The following TNR variants were observed in gnomAD, a reference collection of about 807,000 sequenced individuals.
TNR encodes tenascin-R.
TNR carries 45 observed loss-of-function variants against 150.4 expected under a neutral mutation model. The ratio of observed to expected loss-of-function variants is 0.30; its 90% CI spans 0.24 to 0.38. The LOEUF is 0.38. Ranked by LOEUF, TNR falls within the 10% of genes least tolerant of loss-of-function variation. TNR has a pLI of 1.00. For missense variants in TNR, 1,544 were observed against 1,759.1 expected, an observed-to-expected ratio of 0.88 and a Z score of 2.19; for synonymous variants, 687 against 678.4, an observed-to-expected ratio of 1.01 and a Z score of -0.20.
chr1:175,377,354 C>T (rs776545835), intron 9 of TNR, among the ~76,000 whole-genome samples: 1 of 151,962 alleles, frequency 6.6e-6, no homozygotes, highest in Non-Finnish European at 1.5e-5. Context: ...TCCATCTGAA[C>T]AGTTAGCCAT....
intron 2 of TNR, among the ~76,000 whole-genome samples, chr1:175,509,896 GTGTGTA>G (rs1199185870): frequency 6.6e-6 from 1 of 152,146 alleles, no homozygotes; most frequent in Non-Finnish European, 1.5e-5. Flanking sequence ...TTTATGGGGT[GTGTGTA>G]TGTGTATGTG....
chr1:175,666,651 C>A (rs890793865), intron 1 of TNR, among the ~76,000 whole-genome samples: 4 of 152,196 alleles, frequency 2.6e-5, no homozygotes, highest in Admixed American at 1.3e-4. Context: ...CCCGGGGTTG[C>A]CCCAATAGAA....
At position 175,393,826 on chromosome 1, in the gene TNR, G is replaced by T; in HGVS notation, c.1310C>A (p.Pro437His). 6.2e-7 allele frequency: 1 copy of T among 1,614,148 alleles called. No homozygotes were observed. Among genetic ancestry groups the T allele is most frequent in the South Asian group, 1.1e-5 (1 of 91,080 alleles). Residue 437 changes from proline to histidine, a missense_variant, in exon 6 of 23, where the codon CCC (proline) becomes CAC (histidine). This residue lies in a region of TNR where 1,254 missense variants were observed against 1,329.4 expected (regional missense o/e 0.94). Transcript: ENST00000367674. Reference sequence around the variant, plus strand: ...CCACCCATCGAAGGAAAATGAGAAGGGCTCCCACTGCACCTCCACGGTGGT... The same window carrying T: ...CCACCCATCGAAGGAAAATGAGAAGTGCTCCCACTGCACCTCCACGGTGGT... ...TETTVEVQWE[P>H]FSFSFDGWEI... is the part of the protein sequence containing the mutation.
At chr1:175,648,060 C>A (rs561658109) in intron 1 of TNR, among the ~76,000 whole-genome samples, 1 of 152,142 alleles carries the variant, frequency 6.6e-6, no homozygotes, top group South Asian at 2.1e-4. Context: ...TGATCTCCCA[C>A]ACCCTCCACC....
chr1:175,597,345 G>A (rs1226780869), intron 1 of TNR, among the ~76,000 whole-genome samples: 1 of 152,180 alleles, frequency 6.6e-6, no homozygotes, highest in African/African-American at 2.4e-5. Flanking sequence ...ATCTCCTAGG[G>A]AATGTGAGAA....
At chr1:175,349,911 T>G (rs1310977908) in intron 18 of TNR, among the ~76,000 whole-genome samples, 1 of 152,232 alleles carries the variant, frequency 6.6e-6, no homozygotes, top group Non-Finnish European at 1.5e-5. Context: ...GAACTCAAGC[T>G]GTTTCTAAAT....
At chr1:175,404,714 C>T (rs1037998910) in intron 3 of TNR, among the ~76,000 whole-genome samples, 6 of 152,132 alleles carry the variant, frequency 3.9e-5, no homozygotes, top group African/African-American at 1.4e-4. Flanking sequence ...GGAAGGCTGG[C>T]AAAAAGTTCA....
chr1:175,355,166 A>G (rs1466159845), intron 17 of TNR, among the ~76,000 whole-genome samples: 1 of 152,124 alleles, frequency 6.6e-6, no homozygotes, highest in Non-Finnish European at 1.5e-5. Flanking sequence ...GCTTTGTGTC[A>G]TTGTATTGGA....
chr1:175,593,347 G>C (rs1195485098), intron 1 of TNR, among the ~76,000 whole-genome samples: 1 of 152,096 alleles, frequency 6.6e-6, no homozygotes. Context: ...GCCTCACATA[G>C]AGCCAGTTAA....
At position 175,323,288 on chromosome 1, in the gene TNR, C is replaced by T. The variant is rs1002496959; in HGVS notation, c.*69G>A. The T allele has an allele frequency of 1.3e-6, 2 of 1,589,364 alleles. No individual in the cohort carries two copies. The highest frequency in any genetic ancestry group is 1.7e-6 in the Non-Finnish European group (2 of 1,164,246). On this transcript the variant is annotated 3_prime_UTR_variant, in exon 23 of 23. Transcript: ENST00000367674. ...CAAAACACATTGCTATTACCCTCCC[C>T]CCTTGTTTCATATTATAAAATACAA...
intron 1 of TNR, among the ~76,000 whole-genome samples, chr1:175,740,517 C>G (rs1050023493): frequency 2.0e-5 from 3 of 151,980 alleles, no homozygotes; most frequent in African/African-American, 7.3e-5. Flanking sequence ...AACAGCTGAC[C>G]TCCTCCTTCC....
chr1:175,376,680 C>A (rs1483436866), intron 9 of TNR, among the ~76,000 whole-genome samples: 1 of 152,042 alleles, frequency 6.6e-6, no homozygotes, highest in Non-Finnish European at 1.5e-5. Context: ...CTTCTCTTCC[C>A]CCAGATGCCT....
chr1:175,542,648 G>A (rs1534901), intron 1 of TNR, among the ~76,000 whole-genome samples: 90,442 of 151,964 alleles, frequency 0.6, 27,945 homozygotes, highest in East Asian at 0.69. Context: ...ACATTGACAA[G>A]CAATTTTTTC....
intron 9 of TNR, 143 bp downstream of exon 9, chr1:175,379,409 G>A (rs1482527090): frequency 3.0e-6 from 2 of 671,686 alleles, no homozygotes; most frequent in Admixed American, 2.8e-5. Context: ...ACAATGGATA[G>A]TACTAGACAT....
intron 1 of TNR, among the ~76,000 whole-genome samples, chr1:175,672,400 A>G (rs1665730515): frequency 6.6e-6 from 1 of 152,220 alleles, no homozygotes; most frequent in Non-Finnish European, 1.5e-5. Context: ...CTGGGCCTGA[A>G]GTAGGAATAG....
intron 1 of TNR, among the ~76,000 whole-genome samples, chr1:175,530,451 A>T (rs1166842068): frequency 6.6e-6 from 1 of 152,220 alleles, no homozygotes; most frequent in African/African-American, 2.4e-5. Context: ...GTCAGCAGCC[A>T]ACGCTCCCAG....
At chr1:175,659,400 C>G (rs768596932) in intron 1 of TNR, among the ~76,000 whole-genome samples, 1 of 152,138 alleles carries the variant, frequency 6.6e-6, no homozygotes, top group South Asian at 2.1e-4. Flanking sequence ...ACTGTGTGTG[C>G]CAGCCAGGAT....
chr1:175,354,173 T>C lies in TNR; in HGVS notation c.3382+218A>G, dbSNP rs118182556. ...ACCTGATGTCTTTACTTGGTGCATT[T>C]AATTGGTCCGGGTGGATCAGGGAGT... is the stretch of plus-strand genomic sequence containing the variant. On this transcript the variant is annotated intron_variant, in intron 18 of 22. Transcript: ENST00000367674. Among the ~76,000 whole-genome samples, 49 of 152,296 alleles carry C rather than the reference T, an allele frequency of 3.2e-4. 2 individuals are homozygous for C. The East Asian group carries it at 8.7e-3, about 27-fold the overall frequency.
At chr1:175,651,223 A>T (rs1365389050) in intron 1 of TNR, among the ~76,000 whole-genome samples, 1 of 143,198 alleles carries the variant, frequency 7.0e-6, no homozygotes, top group African/African-American at 2.6e-5. Flanking sequence ...CCCCAACCTC[A>T]TTACTAAGCT....
Sources: allele counts gnomAD v4.1 joint callset (sites outside exome capture counted in the v4.1 genomes callset), GRCh38; gene constraint gnomAD v4.1.1; regional missense constraint gnomAD v4.1.1; transcripts MANE v1.5; gene names NCBI Gene and HGNC (gene_info 2026-07-23, HGNC 2026-07-21).